Variants in SHISAL1 observed in about 807,000 individuals in gnomAD.
The protein encoded by SHISAL1 is protein shisa-like-1.
SHISAL1 carries 9 observed loss-of-function variants against 22.6 expected under a neutral mutation model. The observed-to-expected ratio is 0.40, with a 90% CI of 0.24 to 0.70. The LOEUF (loss-of-function observed/expected upper bound fraction) is 0.70, where lower values mean the gene tolerates loss of function less well. SHISAL1 is among the 30% of genes least tolerant of loss of function. The pLI, the probability that SHISAL1 is intolerant of heterozygous loss-of-function variation, is 0.39. For synonymous variants in SHISAL1, 119 were observed against 115.4 expected, an observed-to-expected ratio of 1.03 and a Z score of -0.20; for missense variants, 246 against 270.6, an observed-to-expected ratio of 0.91 and a Z score of 0.64.
At chr22:44,283,645 A>G (rs915294327) in intron 4 of SHISAL1, among the ~76,000 whole-genome samples, 5 of 152,226 alleles carry the variant, frequency 3.3e-5, no homozygotes, top group African/African-American at 1.2e-4. Flanking sequence ...CCCCTTGGCA[A>G]GTGTTCGGCG....
intron 4 of SHISAL1, among the ~76,000 whole-genome samples, chr22:44,254,150 C>T (rs1481221202): frequency 6.6e-6 from 1 of 151,794 alleles, no homozygotes; most frequent in Non-Finnish European, 1.5e-5. Context: ...TGCAGCCGAG[C>T]CAATGCTAAG....
chr22:44,265,789 C>A (rs1358682050), intron 4 of SHISAL1, among the ~76,000 whole-genome samples: 2 of 152,208 alleles, frequency 1.3e-5, no homozygotes, highest in Non-Finnish European at 2.9e-5. Flanking sequence ...TCAGCTTGCA[C>A]ACCCCAGCGA....
At chr22:44,263,079 C>CTTTCTTTTTTTTTT (rs55901041) in intron 4 of SHISAL1, among the ~76,000 whole-genome samples, 2 of 88,268 alleles carry the variant, frequency 2.3e-5, no homozygotes, top group Admixed American at 1.4e-4. Context: ...TTCTTTCTTT[C>CTTTCTTTTTTTTTT]TTTTTTTTTT....
In SHISAL1 at chr22:44,256,374, A is replaced by C. The variant is rs571118414; in HGVS notation, c.*-6689T>G. ...CTGGGTCTCCAGCTTGCTAACCCAG[A>C]CCTTTGGAATTCCTCAACCTGCATA... is the stretch of plus-strand genomic sequence containing the variant. On this transcript the variant is annotated intron_variant, in intron 4 of 4. Transcript: ENST00000381176. Among the ~76,000 whole-genome samples, 108 of 152,250 alleles carry C rather than the reference A, an allele frequency of 7.1e-4. 1 individual carries two copies. In the South Asian group the frequency reaches 0.022, roughly 31 times the overall value.
chr22:44,253,596 ATTTT>A (rs71759472), intron 4 of SHISAL1, among the ~76,000 whole-genome samples: 27 of 138,294 alleles, frequency 2.0e-4, no homozygotes, highest in Admixed American at 5.1e-4. Context: ...TGTCTGGCTA[ATTTT>A]TTTTTTTTTT....
chr22:44,302,999 G>C (rs2055443018), intron 1 of SHISAL1, among the ~76,000 whole-genome samples: 1 of 152,064 alleles, frequency 6.6e-6, no homozygotes, highest in Non-Finnish European at 1.5e-5. Flanking sequence ...TTTGGGCCCT[G>C]AGGGGACTAG....
intron 4 of SHISAL1, among the ~76,000 whole-genome samples, chr22:44,281,407 C>A (rs915992192): frequency 1.3e-5 from 2 of 151,944 alleles, no homozygotes; most frequent in African/African-American, 4.8e-5. Flanking sequence ...GGGCTGAATA[C>A]TGGTGGAAGT....
At chr22:44,328,136 G>A in the SHISAL1 span, among the ~76,000 whole-genome samples, 1 of 152,162 alleles carries the variant, frequency 6.6e-6, no homozygotes, top group African/African-American at 2.4e-5. Context: ...CTCTGGGTCA[G>A]TAATATTGGA....
intron 2 of SHISAL1, among the ~76,000 whole-genome samples, chr22:44,297,669 G>A (rs1366453419): frequency 1.3e-5 from 2 of 152,262 alleles, no homozygotes; most frequent in African/African-American, 4.8e-5. Flanking sequence ...GCAAACCCAG[G>A]ATGGTATTTA....
At chr22:44,306,720 C>A (rs183727899) in intron 1 of SHISAL1, among the ~76,000 whole-genome samples, 8 of 107,138 alleles carry the variant, frequency 7.5e-5, no homozygotes, top group African/African-American at 2.8e-4. Context: ...GCTCTGATGA[C>A]GATGGCGTGT....
the SHISAL1 span, among the ~76,000 whole-genome samples, chr22:44,329,377 C>G: frequency 6.6e-6 from 1 of 152,198 alleles, no homozygotes; most frequent in Admixed American, 6.5e-5. Context: ...CCCCCTACCC[C>G]TCTCATCTGG....
chr22:44,279,389 A>T (rs1299402880), intron 4 of SHISAL1, among the ~76,000 whole-genome samples: 1 of 152,190 alleles, frequency 6.6e-6, no homozygotes, highest in Non-Finnish European at 1.5e-5. Flanking sequence ...CAAGGAAAGA[A>T]GATATTTGGT....
intron 2 of SHISAL1, 139 bp from the exon 3 acceptor site, chr22:44,297,024 C>A: frequency 1.5e-6 from 1 of 662,902 alleles, no homozygotes; most frequent in Non-Finnish European, 2.6e-6. Flanking sequence ...CACTGTGAGC[C>A]TCACCTCTGG....
intron 3 of SHISAL1, among the ~76,000 whole-genome samples, chr22:44,288,158 CATT>C (rs1414141439): frequency 3.9e-5 from 6 of 152,218 alleles, no homozygotes; most frequent in Admixed American, 1.3e-4. Context: ...GCTTTTTCAT[CATT>C]GTCATCCCTG....
chr22:44,297,085 C>T (rs1030544344), intron 2 of SHISAL1, among the ~76,000 whole-genome samples, 200 bp from the exon 3 acceptor site: 3 of 152,226 alleles, frequency 2.0e-5, no homozygotes, highest in Non-Finnish European at 2.9e-5. Flanking sequence ...CTGTGTCACC[C>T]AGACTGGCTG....
chr22:44,322,364 C>A, the SHISAL1 span, among the ~76,000 whole-genome samples: 1 of 152,312 alleles, frequency 6.6e-6, no homozygotes, highest in East Asian at 1.9e-4. Flanking sequence ...GGTGCTGCCT[C>A]ACTGCCCCAG....
chr22:44,255,138 C>T (rs2055075598), intron 4 of SHISAL1, among the ~76,000 whole-genome samples: 1 of 152,228 alleles, frequency 6.6e-6, no homozygotes, highest in South Asian at 2.1e-4. Flanking sequence ...TTTCTACTCA[C>T]TCATGGATCT....
chr22:44,260,831 G>A (rs190795560), intron 4 of SHISAL1, among the ~76,000 whole-genome samples: 40 of 152,130 alleles, frequency 2.6e-4, no homozygotes, highest in African/African-American at 8.7e-4. Context: ...GACTTTGGCC[G>A]AGGCCTCCCC....
chr22:44,286,531 G>A (rs985948470), intron 3 of SHISAL1, among the ~76,000 whole-genome samples: 2 of 152,154 alleles, frequency 1.3e-5, no homozygotes, highest in African/African-American at 4.8e-5. Context: ...TGCACAGGCC[G>A]TGCCTTCTTT....
Sources: gnomAD v4.1 joint callset for allele counts (sites outside exome capture counted in the v4.1 genomes callset) on GRCh38, gnomAD v4.1.1 for gene constraint, MANE v1.5 for transcripts, NCBI Gene and HGNC (gene_info 2026-07-23, HGNC 2026-07-21) for gene names.